The following TRPC5 variants were observed in gnomAD, a reference collection of about 807,000 sequenced individuals.
TRPC5 encodes the protein short transient receptor potential channel 5.
TRPC5 carries 9 observed loss-of-function variants against 56.5 expected under a neutral mutation model. The observed-to-expected ratio is 0.16, with a 90% CI of 0.10 to 0.28. The LOEUF (loss-of-function observed/expected upper bound fraction) is 0.28, where lower values mean the gene tolerates loss of function less well. Among genes scored for constraint, TRPC5 ranks in the 10% least tolerant of loss-of-function variants. The pLI, the probability that TRPC5 is intolerant of heterozygous loss-of-function variation, is 1.00. For missense variants in TRPC5, 469 were observed against 748.9 expected (o/e 0.63, Z 4.36); for synonymous variants, 282 against 278.5 (o/e 1.01, Z -0.13).
intron 7 of TRPC5, among the ~76,000 whole-genome samples, chrX:111,783,219 G>T (rs1945935064): frequency 8.9e-6 from 1 of 112,056 alleles, no homozygotes; most frequent in Non-Finnish European, 1.9e-5. Flanking sequence ...GAACATTTGG[G>T]TTATTTCCAG....
chrX:111,835,737 A>G lies in TRPC5; in HGVS notation c.1701-621T>C, dbSNP rs549337753. Among the ~76,000 whole-genome samples the G allele has an allele frequency of 4.5e-5, 5 of 112,146 alleles. No individual in the cohort carries two copies. In the South Asian group the frequency reaches 1.9e-3, roughly 42 times the overall value. On this transcript the variant is annotated intron_variant, in intron 6 of 10. Transcript: ENST00000262839. ...TTAGATTGCACTGGGTTAGGATCTC[A>G]GTTCTGGCATTTGCTGGCTGAGTGA...
Position 111,975,622 on chromosome X carries a change from C to T in TRPC5, c.-21-23181G>A, listed in dbSNP as rs187606116. On this transcript the variant is annotated intron_variant, in intron 1 of 10. Coordinates refer to ENST00000262839, the MANE Select transcript of TRPC5 (RefSeq NM_012471.3). ...CTAAAAAGATCATGTTACAGCCGGGCGTGGGGGCTCACGCCTGTAATCCCA... is the reference window on the plus strand; with the variant it reads ...CTAAAAAGATCATGTTACAGCCGGGTGTGGGGGCTCACGCCTGTAATCCCA... Among the ~76,000 whole-genome samples the T allele has an allele frequency of 7.4e-3, 821 of 111,267 alleles. 1 individual carries two copies. The highest frequency in any genetic ancestry group is 0.013 in the Non-Finnish European group (676 of 53,054).
At chrX:111,967,588 G>T (rs1391247048) in intron 1 of TRPC5, among the ~76,000 whole-genome samples, 1 of 111,968 alleles carries the variant, frequency 8.9e-6, no homozygotes, top group Non-Finnish European at 1.9e-5. Context: ...CAAGGCTACA[G>T]TAATCAAAAC....
intron 7 of TRPC5, among the ~76,000 whole-genome samples, chrX:111,783,243 T>C (rs1945935206): frequency 8.9e-6 from 1 of 112,290 alleles, no homozygotes; most frequent in African/African-American, 3.2e-5. Flanking sequence ...TTAGCAATTA[T>C]GAGTAAAGCT....
intron 2 of TRPC5, among the ~76,000 whole-genome samples, chrX:111,941,599 C>T (rs1287271468): frequency 8.9e-6 from 1 of 111,949 alleles, no homozygotes; most frequent in Non-Finnish European, 1.9e-5. Flanking sequence ...AAATGCAGGG[C>T]ACTGCATAGG....
chrX:112,021,357 C>T (rs929661302), intron 1 of TRPC5, among the ~76,000 whole-genome samples: 2 of 111,442 alleles, frequency 1.8e-5, no homozygotes, highest in African/African-American at 3.3e-5. Context: ...GGGAGGCCTG[C>T]GGAAGATTAG....
intron 1 of TRPC5, among the ~76,000 whole-genome samples, 156 bp from the exon 2 acceptor site, chrX:111,952,597 A>T (rs763223855): frequency 9.0e-6 from 1 of 111,509 alleles, no homozygotes; most frequent in East Asian, 2.8e-4. Context: ...TAACAGAAAA[A>T]GCCCAGGCTT....
chrX:112,075,779 A>G (rs1449460815), intron 1 of TRPC5, among the ~76,000 whole-genome samples: 1 of 111,786 alleles, frequency 8.9e-6, no homozygotes, highest in Non-Finnish European at 1.9e-5. Flanking sequence ...GGGGCCATGC[A>G]CTAAGGAATG....
chrX:111,867,977 C>T (rs1053916730), intron 3 of TRPC5, among the ~76,000 whole-genome samples: 2 of 112,130 alleles, frequency 1.8e-5, no homozygotes, highest in African/African-American at 6.5e-5. Context: ...ATTAACAAAC[C>T]TAGGAAGTTT....
intron 3 of TRPC5, among the ~76,000 whole-genome samples, chrX:111,867,026 G>A (rs1364676850): frequency 8.9e-6 from 1 of 111,931 alleles, no homozygotes; most frequent in African/African-American, 3.3e-5. Flanking sequence ...ATTCTGGCCT[G>A]CAGGAGCTCT....
chrX:111,840,990 A>C (rs1922713452), intron 6 of TRPC5, among the ~76,000 whole-genome samples: 1 of 112,070 alleles, frequency 8.9e-6, no homozygotes, highest in Non-Finnish European at 1.9e-5. Flanking sequence ...ACAAACGAGT[A>C]GCAGCATCCT....
intron 1 of TRPC5, among the ~76,000 whole-genome samples, chrX:112,076,031 A>C (rs944872554): frequency 8.0e-5 from 9 of 112,127 alleles, no homozygotes; most frequent in African/African-American, 2.9e-4. Context: ...TAAATTGATA[A>C]GGTTGTGAGA....
chrX:111,894,785 G>A (rs1376518731), intron 3 of TRPC5, among the ~76,000 whole-genome samples: 1 of 111,420 alleles, frequency 9.0e-6, no homozygotes, highest in Non-Finnish European at 1.9e-5. Context: ...TTTTAAGGGT[G>A]CATATCAATG....
chrX:111,797,855 A>T (rs553648473), intron 7 of TRPC5, among the ~76,000 whole-genome samples: 1 of 111,746 alleles, frequency 8.9e-6, no homozygotes, highest in Middle Eastern at 4.6e-3. Flanking sequence ...TATACATCAT[A>T]AAATTAATTC....
intron 7 of TRPC5, among the ~76,000 whole-genome samples, chrX:111,825,638 A>T (rs1346272119): frequency 8.9e-6 from 1 of 111,837 alleles, no homozygotes; most frequent in Non-Finnish European, 1.9e-5. Context: ...TAAAAAGGGA[A>T]TAGTGAGACA....
chrX:111,980,924 T>TATAC (rs1173252743), intron 1 of TRPC5, among the ~76,000 whole-genome samples: 2 of 101,705 alleles, frequency 2.0e-5, no homozygotes, highest in African/African-American at 7.2e-5. Flanking sequence ...TATATATATA[T>TATAC]ACACACACAC....
intron 1 of TRPC5, among the ~76,000 whole-genome samples, chrX:111,953,563 AGG>A (rs1927150777): frequency 8.9e-6 from 1 of 111,838 alleles, no homozygotes; most frequent in Non-Finnish European, 1.9e-5. Context: ...CAGATCTATT[AGG>A]TGTTGGCTCC....
chrX:112,040,135 G>C (rs1217094635), intron 1 of TRPC5, among the ~76,000 whole-genome samples: 1 of 111,675 alleles, frequency 9.0e-6, no homozygotes, highest in East Asian at 2.8e-4. Flanking sequence ...TTTCAGTTAT[G>C]GTACCCAGGG....
At chrX:111,843,944 G>A (rs1197344528) in intron 6 of TRPC5, among the ~76,000 whole-genome samples, 3 of 105,334 alleles carry the variant, frequency 2.8e-5, no homozygotes, top group Non-Finnish European at 5.8e-5. Flanking sequence ...GAATGAGAGA[G>A]AGACAGAGAG....
Sources: gnomAD v4.1 joint callset for allele counts (sites outside exome capture counted in the v4.1 genomes callset) on GRCh38, gnomAD v4.1.1 for gene constraint, MANE v1.5 for transcripts, NCBI Gene and HGNC (gene_info 2026-07-23, HGNC 2026-07-21) for gene names.